The following VPS4A variants were observed in gnomAD, a reference collection of about 807,000 sequenced individuals.
VPS4A encodes the protein vacuolar protein sorting-associated protein 4A.
A neutral mutation model predicts 52.3 loss-of-function variants in VPS4A; 20 were observed. That is an observed-to-expected ratio of 0.38 (90% confidence interval 0.27 to 0.56). The LOEUF is 0.56. Among genes scored for constraint, VPS4A ranks in the 20% least tolerant of loss-of-function variants. The pLI is 0.72. For synonymous variants in VPS4A, 293 were observed against 227.7 expected (o/e 1.29, Z -2.58); for missense variants, 419 against 575.9 (o/e 0.73, Z 2.79).
chr16:69,317,288 G>A (rs981825004), intron 3 of VPS4A, among the ~76,000 whole-genome samples: 6 of 152,142 alleles, frequency 3.9e-5, no homozygotes, highest in Non-Finnish European at 7.4e-5. Context: ...TTTCGATTTC[G>A]GTTTTGCTTT....
At position 69,321,313 on chromosome 16, in the gene VPS4A, A is replaced by G; in HGVS notation, c.1071+43A>G. The G allele has an allele frequency of 5.2e-6, 8 of 1,525,824 alleles. No individual in the cohort carries two copies. Among genetic ancestry groups the G allele is most frequent in the South Asian group, 2.5e-5 (2 of 80,160 alleles). The allele number at this position is 1,525,824 out of a possible 1,614,324, so 94.5% of individuals were successfully genotyped here. Reference sequence around the variant, plus strand: ...CTGCTGAGAAAAATCTCATAGTAAGAGCGGGATGTTCGGTTTTTTTTTTCC... The same window carrying G: ...CTGCTGAGAAAAATCTCATAGTAAGGGCGGGATGTTCGGTTTTTTTTTTCC... On this transcript the variant is annotated intron_variant, in intron 9 of 10. Transcript: ENST00000254950. This position sits in a 1 kb window ranked among gnomAD's most constrained non-coding sequence, Gnocchi z 4.5.
At position 69,320,417 on chromosome 16, in the gene VPS4A, C is replaced by A. The variant is rs940380140; in HGVS notation, c.769+128C>A. ...GAGGCACTCCCCAGCTCCAGCCCCT[C>A]AGGGCACGGGTGGACTTCAATTCCC... is the stretch of plus-strand genomic sequence containing the variant. On this transcript the variant is annotated intron_variant, in intron 7 of 10. Transcript: ENST00000254950. This position sits in a 1 kb window ranked among gnomAD's most constrained non-coding sequence, Gnocchi z 4.2. 5 of 1,373,528 alleles carry A rather than the reference C, an allele frequency of 3.6e-6. No individual in the cohort carries two copies. In the East Asian group the frequency reaches 1.2e-4, roughly 33 times the overall value. The allele number at this position is 1,373,528 out of a possible 1,614,324, so 85.1% of individuals were successfully genotyped here.
At chr16:69,315,644 T>A (rs138310433) in intron 1 of VPS4A, among the ~76,000 whole-genome samples, 14 of 152,274 alleles carry the variant, frequency 9.2e-5, no homozygotes, top group Non-Finnish European at 1.3e-4. Flanking sequence ...CTCCCGCGTG[T>A]CCCTTCTGCC....
At chr16:69,317,179 C>T (rs1276707339) in intron 3 of VPS4A, among the ~76,000 whole-genome samples, 1 of 152,152 alleles carries the variant, frequency 6.6e-6, no homozygotes, top group African/African-American at 2.4e-5. Context: ...GGCCAGGGAT[C>T]TCCAATAAGG....
At position 69,326,407 on chromosome 16, in the gene VPS4A, G is replaced by C. The variant is rs916559898; in HGVS notation, c.*2098G>C. On this transcript the variant is annotated 3_prime_UTR_variant, in exon 11 of 11. Transcript: ENST00000254950. The stretch of plus-strand genomic sequence containing the variant: ...CCTCAGCCACCAGGATATGAACCGT[G>C]TCTGCAGAGCTTCACTTTAGTGAGC... The C allele has an allele frequency of 6.6e-6, 1 of 152,234 alleles. No individual in the cohort carries two copies. The highest frequency in any genetic ancestry group is 1.5e-5 in the Non-Finnish European group (1 of 68,046). 9.4% of individuals were successfully genotyped at this position (152,234 alleles called of 1,614,324 possible).
chr16:69,322,640 C>T lies in VPS4A; in HGVS notation c.1152C>T (p.Ala384=), dbSNP rs1222287789. 6.2e-7 allele frequency: 1 copy of T among 1,613,874 alleles called. No homozygotes were observed. The highest frequency in any genetic ancestry group is 1.1e-5 in the South Asian group (1 of 91,066). The change falls in exon 10 of 11, where the codon GCC becomes GCT. Residue 384 remains alanine (A), a synonymous_variant. Coordinates refer to ENST00000254950, the MANE Select transcript of VPS4A (RefSeq NM_013245.3). ...LTPCSPGDPG[A]MEMTWMDVPG... ...CATGCTCACCAGGGGACCCAGGAGCCATGGAGATGACTTGGATGGATGTCC... is the reference window on the plus strand; with the variant it reads ...CATGCTCACCAGGGGACCCAGGAGCTATGGAGATGACTTGGATGGATGTCC...
intron 1 of VPS4A, 55 bp downstream of exon 1, chr16:69,311,587 G>C: frequency 4.0e-6 from 5 of 1,244,940 alleles, no homozygotes; most frequent in Non-Finnish European, 4.1e-6. Flanking sequence ...GGGCCTGCGG[G>C]CCGCAGAGCC....
intron 5 of VPS4A, among the ~76,000 whole-genome samples, 157 bp downstream of exon 5, chr16:69,319,099 G>A (rs998921493): frequency 6.6e-5 from 10 of 152,268 alleles, no homozygotes; most frequent in African/African-American, 2.4e-4. Context: ...TGCTGTGGCT[G>A]GAGCTATGAG....
In VPS4A at chr16:69,320,847, G is replaced by A. The variant is rs879093820; in HGVS notation, c.851+78G>A. ...ACGGTCCGCCTGCTGCTGGCAGCCC[G>A]GGTGCAGCCTGGCCCCTTTTCCCTG... On this transcript the variant is annotated intron_variant, in intron 8 of 10. Coordinates refer to ENST00000254950, the MANE Select transcript of VPS4A (RefSeq NM_013245.3). The surrounding 1 kb of genome is among the most constrained non-coding windows in gnomAD (Gnocchi z 4.2). 83 of 1,437,116 alleles carry A rather than the reference G, an allele frequency of 5.8e-5. No individual in the cohort carries two copies. The highest frequency in any genetic ancestry group is 3.0e-4 in the South Asian group (24 of 79,988). The allele number at this position is 1,437,116 out of a possible 1,614,324, so 89.0% of individuals were successfully genotyped here.
chr16:69,320,341 C>T lies in VPS4A; in HGVS notation c.769+52C>T. On this transcript the variant is annotated intron_variant, in intron 7 of 10. Transcript: ENST00000254950. The surrounding 1 kb of genome is among the most constrained non-coding windows in gnomAD (Gnocchi z 4.2). ...GGTTCTTGTTGCACCTGAAGCCAACCCTGGGCTTTATTCTGAGCTGCGGCT... is the reference window on the plus strand; with the variant it reads ...GGTTCTTGTTGCACCTGAAGCCAACTCTGGGCTTTATTCTGAGCTGCGGCT... The T allele has an allele frequency of 6.3e-7, 1 of 1,595,354 alleles. No individual in the cohort carries two copies. The highest frequency in any genetic ancestry group is 2.2e-5 in the East Asian group (1 of 44,472).
intron 6 of VPS4A, among the ~76,000 whole-genome samples, chr16:69,319,890 CGTGTT>C (rs1304943845): frequency 5.3e-5 from 8 of 152,142 alleles, no homozygotes; most frequent in African/African-American, 7.2e-5. Flanking sequence ...AGGGGACTGA[CGTGTT>C]GTAAGTGCAG....
At chr16:69,312,798 A>C (rs972436171) in intron 1 of VPS4A, among the ~76,000 whole-genome samples, 19 of 151,392 alleles carry the variant, frequency 1.3e-4, no homozygotes, top group African/African-American at 4.6e-4. Flanking sequence ...TTTTTAGTAG[A>C]GACCGGGTTT....
chr16:69,312,194 TTC>T (rs2143241721), intron 1 of VPS4A, among the ~76,000 whole-genome samples: 1 of 152,298 alleles, frequency 6.6e-6, no homozygotes, highest in African/African-American at 2.4e-5. Context: ...GTTTTTTTTT[TTC>T]ATCTTCGGGT....
At chr16:69,323,613 G>A (rs1185824447) in intron 10 of VPS4A, 2 of 456,074 alleles carry the variant, frequency 4.4e-6, no homozygotes, top group East Asian at 6.9e-5. Context: ...GTGCCATCCT[G>A]GCAAGGGTCT....
rs1965474205 is a variant in VPS4A at position 69,318,947 on chromosome 16, G to C, written c.463+5G>C. ...AATTCCCACACTTGTTCACAGGTGAGAGTTGAGCCATTTCAAACCCCAATG... is the reference window on the plus strand; with the variant it reads ...AATTCCCACACTTGTTCACAGGTGACAGTTGAGCCATTTCAAACCCCAATG... On this transcript the variant is annotated splice_donor_5th_base_variant and intron_variant, in intron 5 of 10. Coordinates refer to ENST00000254950, the MANE Select transcript of VPS4A (RefSeq NM_013245.3). 6.8e-6 allele frequency: 11 copies of C among 1,611,496 alleles called. No individual in the cohort carries two copies. The highest frequency in any genetic ancestry group is 9.3e-6 in the Non-Finnish European group (11 of 1,179,104).
At position 69,325,299 on chromosome 16, in the gene VPS4A, T is replaced by C. The variant is rs1189197348; in HGVS notation, c.*990T>C. ...GTTGTTCGGCCTACAGATCAGAGAC[T>C]GCAAAGTGGGAGCCCTGCGTACCAG... On this transcript the variant is annotated 3_prime_UTR_variant, in exon 11 of 11. Transcript: ENST00000254950. 1 of 152,246 alleles carries C rather than the reference T, an allele frequency of 6.6e-6. No homozygotes were observed. The highest frequency in any genetic ancestry group is 1.5e-5 in the Non-Finnish European group (1 of 68,080). The allele number at this position is 152,246 out of a possible 1,614,324, so 9.4% of individuals were successfully genotyped here.
rs375093465 is a variant in VPS4A at position 69,316,391 on chromosome 16, C to T, written c.281+19C>T. The T allele has an allele frequency of 2.1e-5, 34 of 1,612,210 alleles. No individual in the cohort carries two copies. Among genetic ancestry groups the T allele is most frequent in the Non-Finnish European group, 2.7e-5 (32 of 1,179,070 alleles). On this transcript the variant is annotated intron_variant, in intron 3 of 10. Transcript: ENST00000254950. Reference sequence around the variant, plus strand: ...GCAAGGGGTGAGTGTCTGCAGCGTCCGCCCAGGAACCTGGGCCCTCCTCAC... The same window carrying T: ...GCAAGGGGTGAGTGTCTGCAGCGTCTGCCCAGGAACCTGGGCCCTCCTCAC...
At chr16:69,323,324 C>CTTT (rs371858068) in intron 10 of VPS4A, 7 of 199,228 alleles carry the variant, frequency 3.5e-5, no homozygotes, top group African/African-American at 1.2e-4. Context: ...CTAATTTTTC[C>CTTT]TTTTTTTTTT....
rs1030489712 is a variant in VPS4A at position 69,321,246 on chromosome 16, G to A, written c.1047G>A (p.Val349=). ...RDSLMQPVRK[V]QSATHFKKVC... ...CTCTCATGCAGCCCGTGAGGAAGGTGCAGTCGGCCACACACTTCAAAAAGG... is the reference window on the plus strand; with the variant it reads ...CTCTCATGCAGCCCGTGAGGAAGGTACAGTCGGCCACACACTTCAAAAAGG... The change falls in exon 9 of 11, where the codon GTG becomes GTA. Residue 349 remains valine, a synonymous_variant. Coordinates refer to ENST00000254950, the MANE Select transcript of VPS4A (RefSeq NM_013245.3). This position sits in a 1 kb window ranked among gnomAD's most constrained non-coding sequence, Gnocchi z 4.5. The A allele has an allele frequency of 1.3e-6, 2 of 1,557,074 alleles. No individual in the cohort carries two copies. The highest frequency in any genetic ancestry group is 1.7e-6 in the Non-Finnish European group (2 of 1,150,890).
Sources: gnomAD v4.1 joint callset for allele counts (sites outside exome capture counted in the v4.1 genomes callset) on GRCh38, gnomAD v4.1.1 for gene constraint, Gnocchi (gnomAD v3.1) non-coding constraint, MANE v1.5 for transcripts, NCBI Gene and HGNC (gene_info 2026-07-23, HGNC 2026-07-21) for gene names.